MYO6: variants seen among roughly 807,000 people sequenced by gnomAD.
MYO6 encodes unconventional myosin-VI.
A neutral mutation model predicts 178.7 loss-of-function variants in MYO6; 74 were observed. The ratio of observed to expected loss-of-function variants is 0.41; its 90% CI spans 0.34 to 0.50. The LOEUF (loss-of-function observed/expected upper bound fraction) is 0.50. MYO6 is among the 20% of genes least tolerant of loss of function. The pLI is 0.09. For missense variants in MYO6, 1,330 were observed against 1,547.4 expected, an observed-to-expected ratio of 0.86 and a Z score of 2.36; for synonymous variants, 477 against 504.6, an observed-to-expected ratio of 0.95 and a Z score of 0.73.
Position 75,766,143 on chromosome 6 carries a change from C to T in MYO6, c.-48+16720C>T, listed in dbSNP as rs138348866. 5.5e-3 allele frequency among the ~76,000 whole-genome samples: 843 copies of T among 152,074 alleles called. 25 individuals are homozygous for T. The East Asian group carries it at 0.073, about 13-fold the overall frequency. On this transcript the variant is annotated intron_variant, in intron 1 of 34. Transcript: ENST00000369977. ...TTCGAGACTATCCTGGCCAACATGG[C>T]GAAACCCCGTCTCTACTAAGAATAC...
chr6:75,862,838 G>A (rs1274329050), intron 16 of MYO6, 115 bp downstream of exon 16: 4 of 1,198,096 alleles, frequency 3.3e-6, no homozygotes, highest in East Asian at 2.5e-5. Flanking sequence ...CGTGTATAGA[G>A]CAACTATATT....
chr6:75,775,362 A>G (rs1182446436), intron 1 of MYO6, among the ~76,000 whole-genome samples: 5 of 152,214 alleles, frequency 3.3e-5, no homozygotes, highest in South Asian at 4.1e-4. Context: ...TATACAGAAG[A>G]TAATGCTGCC....
chr6:75,840,132 G>A (rs890127526), intron 7 of MYO6, among the ~76,000 whole-genome samples: 51 of 150,862 alleles, frequency 3.4e-4, no homozygotes, highest in African/African-American at 1.2e-3. Context: ...GTGGAATTTG[G>A]CATTACATGT....
chr6:75,760,664 G>T (rs1777865893), intron 1 of MYO6, among the ~76,000 whole-genome samples: 1 of 150,998 alleles, frequency 6.6e-6, no homozygotes, highest in Non-Finnish European at 1.5e-5. Context: ...TAGAGAGTAT[G>T]GTGAAAATGA....
At chr6:75,787,712 CTCTCTCTCTCTCTCTCTCTATA>C (rs1211405364) in intron 1 of MYO6, among the ~76,000 whole-genome samples, 287 of 66,902 alleles carry the variant, frequency 4.3e-3, no homozygotes, top group East Asian at 9.0e-3. Context: ...CTCTCTCTCT[CTCTCTCTCTCTCTCTCTCTATA>C]TATATATATA....
At chr6:75,830,107 T>C (rs947536681) in intron 4 of MYO6, among the ~76,000 whole-genome samples, 2 of 152,136 alleles carry the variant, frequency 1.3e-5, no homozygotes, top group African/African-American at 4.8e-5. Flanking sequence ...GCCATGTCCC[T>C]GAGGAAGCAC....
chr6:75,778,584 G>A (rs955401410), intron 1 of MYO6, among the ~76,000 whole-genome samples: 48 of 150,472 alleles, frequency 3.2e-4, no homozygotes, highest in African/African-American at 1.0e-3. Context: ...GTGACAGAGC[G>A]AGACTCCGTC....
chr6:75,906,377 T>C (rs1040998726), intron 30 of MYO6, among the ~76,000 whole-genome samples: 1 of 152,158 alleles, frequency 6.6e-6, no homozygotes, highest in African/African-American at 2.4e-5. Context: ...TCAAATTATA[T>C]GCATAAAAGT....
intron 23 of MYO6, 73 bp downstream of exon 23, chr6:75,881,891 C>A: frequency 6.4e-7 from 1 of 1,572,466 alleles, no homozygotes; most frequent in Non-Finnish European, 8.7e-7. Flanking sequence ...GTAAAGCTGT[C>A]TCAGAGGTGA....
chr6:75,765,505 A>G (rs1345646889), intron 1 of MYO6, among the ~76,000 whole-genome samples: 2 of 152,076 alleles, frequency 1.3e-5, no homozygotes, highest in African/African-American at 2.4e-5. Flanking sequence ...TTGTGCTATA[A>G]TATAATAAAA....
At chr6:75,814,673 G>T (rs1771037617) in intron 1 of MYO6, among the ~76,000 whole-genome samples, 1 of 151,978 alleles carries the variant, frequency 6.6e-6, no homozygotes, top group Non-Finnish European at 1.5e-5. Flanking sequence ...ACCTGCCTGG[G>T]CAACACAGTG....
chr6:75,822,691 A>G, intron 2 of MYO6, 91 bp from the exon 3 acceptor site: 5 of 926,750 alleles, frequency 5.4e-6, no homozygotes, highest in Non-Finnish European at 8.9e-6. Flanking sequence ...TATTGTTGCC[A>G]CTATTACAGT....
chr6:75,866,669 A>G (rs1223843292), intron 17 of MYO6, 48 bp downstream of exon 17: 2 of 1,433,692 alleles, frequency 1.4e-6, no homozygotes, highest in Non-Finnish European at 2.0e-6. Flanking sequence ...TTGAAGCTGC[A>G]CTGTACAGTA....
chr6:75,812,150 C>G (rs942267940), intron 1 of MYO6, among the ~76,000 whole-genome samples: 4 of 152,090 alleles, frequency 2.6e-5, no homozygotes, highest in African/African-American at 9.7e-5. Context: ...TCCTGAGTAG[C>G]CAGAACTACA....
intron 30 of MYO6, among the ~76,000 whole-genome samples, chr6:75,905,058 C>T (rs1780167290): frequency 6.6e-6 from 1 of 152,124 alleles, no homozygotes; most frequent in Non-Finnish European, 1.5e-5. Context: ...GGTCAGGGGC[C>T]CACTTGAGGA....
At chr6:75,785,473 C>CT (rs11325534) in intron 1 of MYO6, among the ~76,000 whole-genome samples, 3,196 of 126,474 alleles carry the variant, frequency 0.025, 45 homozygotes, top group East Asian at 0.047. Context: ...CTTTTCTTTT[C>CT]TTTTTTTTTT....
intron 30 of MYO6, 105 bp from the exon 31 acceptor site, chr6:75,907,500 G>T (rs570032312): frequency 2.4e-6 from 2 of 829,130 alleles, no homozygotes; most frequent in Admixed American, 2.0e-5. Flanking sequence ...TGTTTTTCTA[G>T]TAGCTGTTTC....
At chr6:75,883,016 A>G (rs1275881612) in intron 23 of MYO6, among the ~76,000 whole-genome samples, 2 of 152,152 alleles carry the variant, frequency 1.3e-5, no homozygotes, top group African/African-American at 4.8e-5. Context: ...GAGAAATTTT[A>G]TCTTTTACAA....
At chr6:75,903,263 T>A (rs1463286221) in intron 30 of MYO6, among the ~76,000 whole-genome samples, 3 of 152,070 alleles carry the variant, frequency 2.0e-5, no homozygotes, top group African/African-American at 7.2e-5. Flanking sequence ...AGAGCTGAGT[T>A]CAATTCCTGG....
Sources: allele counts gnomAD v4.1 joint callset (sites outside exome capture counted in the v4.1 genomes callset), GRCh38; gene constraint gnomAD v4.1.1; transcripts MANE v1.5; gene names NCBI Gene and HGNC (gene_info 2026-07-23, HGNC 2026-07-21).